Variants in RPTOR observed in about 807,000 individuals in gnomAD.
RPTOR encodes the protein regulatory associated protein of MTOR complex 1.
RPTOR carries 21 observed loss-of-function variants against 169.9 expected under a neutral mutation model. That is an observed-to-expected ratio of 0.12 (90% CI 0.09 to 0.18). The LOEUF (loss-of-function observed/expected upper bound fraction) is 0.18. Among genes scored for constraint, RPTOR ranks in the 10% least tolerant of loss-of-function variants. RPTOR has a pLI of 1.00. For missense variants in RPTOR, 1,133 were observed against 1,855.9 expected, an observed-to-expected ratio of 0.61 and a Z score of 7.16; for synonymous variants, 732 against 753.2, an observed-to-expected ratio of 0.97 and a Z score of 0.46.
intron 20 of RPTOR, among the ~76,000 whole-genome samples, chr17:80,895,159 A>G (rs563430914): frequency 1.6e-3 from 239 of 152,218 alleles, no homozygotes; most frequent in African/African-American, 5.5e-3. Context: ...GGAGCCCCAC[A>G]TCCAACACAC....
chr17:80,761,993 G>A (rs2066741060), intron 6 of RPTOR, among the ~76,000 whole-genome samples: 1 of 152,186 alleles, frequency 6.6e-6, no homozygotes, highest in African/African-American at 2.4e-5. Context: ...TCCAAGTAGA[G>A]CCTCAGTATC....
intron 13 of RPTOR, among the ~76,000 whole-genome samples, chr17:80,867,568 C>T (rs1029675340): frequency 2.6e-4 from 39 of 152,130 alleles, no homozygotes; most frequent in African/African-American, 8.5e-4. Context: ...CATTCAAGTT[C>T]AAAAGGAAGA....
chr17:80,665,494 TTTCCTTTCCATGTCCTTTCCTTTCCTTTC>T, intron 3 of RPTOR, among the ~76,000 whole-genome samples: 1 of 49,854 alleles, frequency 2.0e-5, no homozygotes, highest in Non-Finnish European at 3.7e-5. Flanking sequence ...TTTCCTTTCC[TTTCCTTTCCATGTCCTTTCCTTTCCTTTC>T]CATGTCCTTT....
chr17:80,925,819 G>A (rs1044268371), intron 24 of RPTOR, among the ~76,000 whole-genome samples: 2 of 152,244 alleles, frequency 1.3e-5, no homozygotes, highest in Non-Finnish European at 2.9e-5. Flanking sequence ...GAGGTCTGGG[G>A]ACTGTTAGAC....
At chr17:80,933,985 A>T (rs899763263) in intron 24 of RPTOR, among the ~76,000 whole-genome samples, 1 of 152,058 alleles carries the variant, frequency 6.6e-6, no homozygotes, top group Non-Finnish European at 1.5e-5. Context: ...TCTGTTGCCC[A>T]GGCTGGGGTT....
chr17:80,773,948 G>T (rs530670857), intron 6 of RPTOR: 2 of 985,404 alleles, frequency 2.0e-6, no homozygotes, highest in African/African-American at 3.5e-5. Flanking sequence ...CTGCCCTGGG[G>T]GCTATGGTGC....
intron 4 of RPTOR, among the ~76,000 whole-genome samples, chr17:80,719,621 G>A (rs2066268229): frequency 6.6e-6 from 1 of 152,170 alleles, no homozygotes; most frequent in African/African-American, 2.4e-5. Flanking sequence ...ATTCTCAGAG[G>A]AGGGCAAAGG....
At chr17:80,952,996 C>T (rs975053929) in intron 28 of RPTOR, among the ~76,000 whole-genome samples, 3 of 151,654 alleles carry the variant, frequency 2.0e-5, no homozygotes, top group African/African-American at 7.3e-5. Context: ...TCCCAAGTAG[C>T]TGGGACTAGA....
chr17:80,598,536 T>C (rs927745974), intron 1 of RPTOR, among the ~76,000 whole-genome samples: 5 of 152,192 alleles, frequency 3.3e-5, no homozygotes, highest in Non-Finnish European at 4.4e-5. Flanking sequence ...TTTTTTGGGG[T>C]GAGAGAGTCC....
Position 80,958,205 on chromosome 17 carries a change from C to T in RPTOR, c.3477+475C>T, listed in dbSNP as rs535224618. On this transcript the variant is annotated intron_variant, in intron 29 of 33. Coordinates refer to ENST00000306801, the MANE Select transcript of RPTOR (RefSeq NM_020761.3). Reference sequence around the variant, plus strand: ...AGTGATCCTCCCACCTCACCCCCCCCCCCCACCACCAAGTAGCTGGGACTA... The same window carrying T: ...AGTGATCCTCCCACCTCACCCCCCCTCCCCACCACCAAGTAGCTGGGACTA... Among the ~76,000 whole-genome samples, 260 of 139,584 alleles carry T rather than the reference C, an allele frequency of 1.9e-3. 4 individuals are homozygous for T. Among genetic ancestry groups the T allele is most frequent in the Middle Eastern group, 3.6e-3 (1 of 278 alleles). 91.6% of individuals were successfully genotyped at this position (139,584 alleles called of 152,430 possible). A position where few individuals can be genotyped will look rare whatever the true frequency, so the allele number is the denominator to read the frequency against.
In RPTOR at chr17:80,845,904, C is replaced by T. The variant is rs965574316; in HGVS notation, c.1213-569C>T. 1.3e-5 allele frequency among the ~76,000 whole-genome samples: 2 copies of T among 152,194 alleles called. No homozygotes were observed. Among genetic ancestry groups the T allele is most frequent in the African/African-American group, 4.8e-5 (2 of 41,442 alleles). On this transcript the variant is annotated intron_variant, in intron 10 of 33. Transcript: ENST00000306801. The surrounding 1 kb of genome is among the most constrained non-coding windows in gnomAD (Gnocchi z 5.4). ...TTGTGGCTCTGCCCTGGACGTTGCT[C>T]CCTGGCGTCCAGACCTTTGAGCTCT...
At chr17:80,840,496 A>C (rs2067620256) in intron 10 of RPTOR, among the ~76,000 whole-genome samples, 1 of 109,746 alleles carries the variant, frequency 9.1e-6, no homozygotes, top group African/African-American at 3.4e-5. Flanking sequence ...GCTCACTCTC[A>C]CCACACGGCA....
intron 1 of RPTOR, among the ~76,000 whole-genome samples, chr17:80,560,662 G>A (rs1364310926): frequency 6.6e-6 from 1 of 152,152 alleles, no homozygotes; most frequent in Non-Finnish European, 1.5e-5. Context: ...AAACGCCACT[G>A]GGGGCCTCCT....
intron 9 of RPTOR, among the ~76,000 whole-genome samples, chr17:80,834,265 GTCTT>G (rs1225757902): frequency 6.6e-6 from 1 of 152,236 alleles, no homozygotes; most frequent in Non-Finnish European, 1.5e-5. Flanking sequence ...TCCAGCGCTT[GTCTT>G]TCAGCGGTTT....
rs988357935 is a variant in RPTOR at position 80,796,545 on chromosome 17, G to C, written c.890+5036G>C. 3.3e-5 allele frequency among the ~76,000 whole-genome samples: 5 copies of C among 152,138 alleles called. No homozygotes were observed. In the East Asian group the frequency reaches 9.6e-4, roughly 29 times the overall value. ...GGATCTTGTGAGAACTCACTATCAC[G>C]AGAACAGCCACTCCCATAATCCAGT... On this transcript the variant is annotated intron_variant, in intron 7 of 33. Transcript: ENST00000306801.
At chr17:80,930,513 T>TCATCCCCAGCTCATCCCCACCTCATCC (rs1208594499) in intron 24 of RPTOR, among the ~76,000 whole-genome samples, 33 of 26,766 alleles carry the variant, frequency 1.2e-3, no homozygotes, top group South Asian at 2.5e-3. Flanking sequence ...TCAGCTCATC[T>TCATCCCCAGCTCATCCCCACCTCATCC]TCAGCTTATC....
intron 3 of RPTOR, among the ~76,000 whole-genome samples, chr17:80,682,288 A>G (rs954225746): frequency 2.6e-5 from 4 of 151,942 alleles, no homozygotes; most frequent in South Asian, 2.1e-4. Context: ...ATTTTTTTGT[A>G]AAGTCAGGGG....
intron 18 of RPTOR, among the ~76,000 whole-genome samples, 173 bp downstream of exon 18, chr17:80,892,010 C>T (rs986237680): frequency 6.6e-6 from 1 of 152,166 alleles, no homozygotes; most frequent in African/African-American, 2.4e-5. Flanking sequence ...TTTAAAAGGG[C>T]AGGAAAGAGG....
chr17:80,834,393 C>T (rs535710957), intron 9 of RPTOR, among the ~76,000 whole-genome samples: 17 of 152,208 alleles, frequency 1.1e-4, no homozygotes, highest in African/African-American at 3.1e-4. Flanking sequence ...CGGACGGCCC[C>T]GAGCAGCCTC....
Sources: gnomAD v4.1 joint callset for allele counts (sites outside exome capture counted in the v4.1 genomes callset) on GRCh38, gnomAD v4.1.1 for gene constraint, Gnocchi (gnomAD v3.1) non-coding constraint, MANE v1.5 for transcripts, NCBI Gene and HGNC (gene_info 2026-07-23, HGNC 2026-07-21) for gene names.